ELOVL7: variants seen among roughly 807,000 people sequenced by gnomAD.
ELOVL7 encodes ELOVL fatty acid elongase 7, also known as very long chain fatty acid elongase 7.
In ELOVL7, 27 loss-of-function variants were observed where a neutral mutation model predicts 35.7. That is an observed-to-expected ratio of 0.76 (90% CI 0.56 to 1.04). ELOVL7 has a LOEUF of 1.04. Among genes scored for constraint, ELOVL7 ranks in the 50% least tolerant of loss-of-function variants. The probability of loss-of-function intolerance (pLI) is 0.00; values close to 1 mark genes in which losing one functional copy is unlikely to be tolerated. For missense variants in ELOVL7, 327 were observed against 340.8 expected, an observed-to-expected ratio of 0.96 and a Z score of 0.32; for synonymous variants, 113 against 114.6, an observed-to-expected ratio of 0.99 and a Z score of 0.09.
Position 60,841,266 on chromosome 5 carries a change from T to A in ELOVL7, c.-86+2894A>T, listed in dbSNP as rs191352208. On this transcript the variant is annotated intron_variant, in intron 1 of 8. Transcript: ENST00000508821. Reference sequence around the variant, plus strand: ...GTCTCAAACTCCTGACCTAAGGTGATCCACCTGCCTCAGCCTCCCAAAGTG... The same window carrying A: ...GTCTCAAACTCCTGACCTAAGGTGAACCACCTGCCTCAGCCTCCCAAAGTG... Among the ~76,000 whole-genome samples, 278 of 152,248 alleles carry A rather than the reference T, an allele frequency of 1.8e-3. 1 individual carries two copies. Among genetic ancestry groups the A allele is most frequent in the African/African-American group, 6.0e-3 (248 of 41,548 alleles).
chr5:60,790,474 T>C (rs1743870646), intron 2 of ELOVL7, among the ~76,000 whole-genome samples: 1 of 152,208 alleles, frequency 6.6e-6, no homozygotes, highest in Non-Finnish European at 1.5e-5. Context: ...AAATTTTGTC[T>C]AAATTCTTTA....
At chr5:60,794,437 T>A (rs1049864908) in intron 2 of ELOVL7, among the ~76,000 whole-genome samples, 3 of 152,162 alleles carry the variant, frequency 2.0e-5, no homozygotes, top group Admixed American at 2.0e-4. Context: ...ATCTCAACAG[T>A]GATCAGAAGG....
intron 1 of ELOVL7, among the ~76,000 whole-genome samples, chr5:60,810,506 C>T (rs908587142): frequency 1.8e-4 from 28 of 152,152 alleles, no homozygotes; most frequent in African/African-American, 6.3e-4. Flanking sequence ...GATAGATTTG[C>T]CCATTACCTA....
intron 2 of ELOVL7, among the ~76,000 whole-genome samples, chr5:60,798,935 C>A (rs991981474): frequency 6.6e-6 from 1 of 152,192 alleles, no homozygotes; most frequent in African/African-American, 2.4e-5. Flanking sequence ...AGAACATTCT[C>A]CATGACAGAT....
At chr5:60,832,468 C>A (rs190701626) in intron 1 of ELOVL7, among the ~76,000 whole-genome samples, 72 of 152,094 alleles carry the variant, frequency 4.7e-4, no homozygotes, top group African/African-American at 1.6e-3. Context: ...TGGGTTCAAG[C>A]AATTCTCTTG....
Position 60,805,282 on chromosome 5 carries a change from C to A in ELOVL7, c.-85-6052G>T, listed in dbSNP as rs553489690. 2.1e-4 allele frequency among the ~76,000 whole-genome samples: 32 copies of A among 152,254 alleles called. 1 individual carries two copies. In the East Asian group the frequency reaches 5.6e-3, roughly 27 times the overall value. ...ATACAGTAGGAAACAAAACAAAAAT[C>A]CTGGCTTCATGAGATTATGAAAAGT... On this transcript the variant is annotated intron_variant, in intron 1 of 8. Coordinates refer to ENST00000508821, the MANE Select transcript of ELOVL7 (RefSeq NM_024930.3).
At chr5:60,770,053 G>GGA (rs1742486065) in intron 4 of ELOVL7, among the ~76,000 whole-genome samples, 1 of 126,368 alleles carries the variant, frequency 7.9e-6, no homozygotes, top group Admixed American at 8.0e-5. Context: ...CCTTTCTGGT[G>GGA]AAAAAAAAAA....
intron 1 of ELOVL7, among the ~76,000 whole-genome samples, chr5:60,838,529 T>C (rs1026032265): frequency 7.2e-5 from 11 of 152,208 alleles, no homozygotes; most frequent in African/African-American, 2.4e-4. Context: ...ACTCAAATGT[T>C]TGTTGAGTGT....
intron 2 of ELOVL7, among the ~76,000 whole-genome samples, chr5:60,788,015 A>C (rs768976187): frequency 6.6e-6 from 1 of 152,226 alleles, no homozygotes; most frequent in Non-Finnish European, 1.5e-5. Flanking sequence ...GAAATCTGAA[A>C]AAGAAGACCA....
intron 3 of ELOVL7, among the ~76,000 whole-genome samples, chr5:60,775,242 CA>C (rs1384153947): frequency 2.0e-5 from 3 of 151,910 alleles, no homozygotes; most frequent in Non-Finnish European, 4.4e-5. Flanking sequence ...ACCACAAGCA[CA>C]AAAAATAAAA....
At chr5:60,796,082 C>T (rs1744245914) in intron 2 of ELOVL7, among the ~76,000 whole-genome samples, 1 of 152,188 alleles carries the variant, frequency 6.6e-6, no homozygotes, top group African/African-American at 2.4e-5. Flanking sequence ...CCATCTTTGG[C>T]AGGAAAAATC....
At chr5:60,796,347 GT>G (rs1432008520) in intron 2 of ELOVL7, among the ~76,000 whole-genome samples, 1 of 152,206 alleles carries the variant, frequency 6.6e-6, no homozygotes, top group African/African-American at 2.4e-5. Flanking sequence ...GTAATTATTT[GT>G]TTAAAGCAGG....
At chr5:60,768,704 G>T (rs1168984857) in intron 4 of ELOVL7, 3 of 456,078 alleles carry the variant, frequency 6.6e-6, no homozygotes, top group South Asian at 4.6e-5. Context: ...AAAAGGAAAA[G>T]CCAAGGGCTC....
intron 1 of ELOVL7, among the ~76,000 whole-genome samples, chr5:60,824,797 CAAAACA>C (rs1746076527): frequency 6.6e-6 from 1 of 152,140 alleles, no homozygotes; most frequent in South Asian, 2.1e-4. Context: ...TTAAAAACAA[CAAAACA>C]AAAACTCAAG....
chr5:60,802,288 G>GA (rs1200477392), intron 1 of ELOVL7, among the ~76,000 whole-genome samples: 2 of 151,774 alleles, frequency 1.3e-5, no homozygotes, highest in Non-Finnish European at 1.5e-5. Flanking sequence ...AAACCTGGTT[G>GA]AAAATCAGAA....
At chr5:60,765,671 GTT>G (rs1418715720) in intron 6 of ELOVL7, among the ~76,000 whole-genome samples, 1 of 152,126 alleles carries the variant, frequency 6.6e-6, no homozygotes, top group African/African-American at 2.4e-5. Flanking sequence ...AGGCAGCTGT[GTT>G]TTAACAAGTC....
At chr5:60,774,778 T>G (rs1028161995) in intron 3 of ELOVL7, among the ~76,000 whole-genome samples, 36 of 151,614 alleles carry the variant, frequency 2.4e-4, no homozygotes, top group Admixed American at 1.4e-3. Flanking sequence ...TTTTTTTTTT[T>G]TTTTGAGACG....
intron 1 of ELOVL7, among the ~76,000 whole-genome samples, chr5:60,818,460 T>A (rs1254057119): frequency 6.6e-6 from 1 of 151,198 alleles, no homozygotes; most frequent in Non-Finnish European, 1.5e-5. Flanking sequence ...GAAAGAGTAA[T>A]AAGCAACTGT....
intron 1 of ELOVL7, among the ~76,000 whole-genome samples, chr5:60,800,587 GTTGT>G (rs978272568): frequency 1.7e-4 from 26 of 152,168 alleles, no homozygotes; most frequent in African/African-American, 5.8e-4. Context: ...CACTTTTTTT[GTTGT>G]TTGTTTTAAA....
Sources: gnomAD v4.1 joint callset for allele counts (sites outside exome capture counted in the v4.1 genomes callset) on GRCh38, gnomAD v4.1.1 for gene constraint, MANE v1.5 for transcripts, NCBI Gene and HGNC (gene_info 2026-07-23, HGNC 2026-07-21) for gene names.